NTRK3: variants seen among roughly 807,000 people sequenced by gnomAD.
NTRK3 encodes the protein NT-3 growth factor receptor.
In NTRK3, 24 loss-of-function variants were observed where a neutral mutation model predicts 91.7. That is an observed-to-expected ratio of 0.26 (90% CI 0.19 to 0.37). The LOEUF (loss-of-function observed/expected upper bound fraction) is 0.37. NTRK3 is among the 10% of genes least tolerant of loss of function. The probability of loss-of-function intolerance (pLI) is 1.00; values close to 1 mark genes in which losing one functional copy is unlikely to be tolerated. For missense variants in NTRK3, 880 were observed against 1,068.9 expected, an observed-to-expected ratio of 0.82 and a Z score of 2.46; for synonymous variants, 483 against 404.0, an observed-to-expected ratio of 1.20 and a Z score of -2.34.
intron 3 of NTRK3, among the ~76,000 whole-genome samples, chr15:88,231,760 T>G (rs1450368712): frequency 6.6e-6 from 1 of 152,194 alleles, no homozygotes; most frequent in Non-Finnish European, 1.5e-5. Context: ...CTTTTTGCCT[T>G]GTGACTCTAG....
At chr15:87,992,383 A>G (rs1003750884) in intron 14 of NTRK3, among the ~76,000 whole-genome samples, 8 of 152,000 alleles carry the variant, frequency 5.3e-5, no homozygotes, top group African/African-American at 1.9e-4. Context: ...TTCTCATCCA[A>G]TTGCCGTTCA....
intron 17 of NTRK3, among the ~76,000 whole-genome samples, chr15:87,916,911 C>T (rs1013397988): frequency 2.6e-5 from 4 of 151,970 alleles, no homozygotes; most frequent in Non-Finnish European, 5.9e-5. Flanking sequence ...TACAGGTATG[C>T]ACCACCATGC....
At chr15:87,893,758 A>T (rs1311465645) in intron 17 of NTRK3, among the ~76,000 whole-genome samples, 2 of 152,244 alleles carry the variant, frequency 1.3e-5, no homozygotes, top group African/African-American at 4.8e-5. Flanking sequence ...CCGATGAGGC[A>T]TACAGGACAC....
At chr15:87,938,252 A>G (rs1237400782) in intron 15 of NTRK3, among the ~76,000 whole-genome samples, 2 of 152,244 alleles carry the variant, frequency 1.3e-5, no homozygotes, top group African/African-American at 4.8e-5. Flanking sequence ...TACCATAGCA[A>G]CTGCTGGGCA....
At chr15:87,863,462 CTAAA>C (rs1421770950) in exon 19 of NTRK3, 3 of 219,294 alleles carry the variant, frequency 1.4e-5, no homozygotes, top group African/African-American at 6.8e-5. Flanking sequence ...GCTTATCAAA[CTAAA>C]TACTCTTTCA....
intron 3 of NTRK3, among the ~76,000 whole-genome samples, chr15:88,249,518 C>T (rs946266550): frequency 5.3e-5 from 8 of 152,154 alleles, no homozygotes; most frequent in African/African-American, 1.7e-4. Flanking sequence ...CCAGGGACCC[C>T]GGCTGAGTCC....
chr15:88,070,062 C>G (rs1446457216), intron 13 of NTRK3, among the ~76,000 whole-genome samples: 1 of 152,196 alleles, frequency 6.6e-6, no homozygotes, highest in East Asian at 1.9e-4. Flanking sequence ...CTTCTTCCTT[C>G]CTGCCAGCAT....
chr15:88,190,910 C>T (rs1038099555), intron 3 of NTRK3, among the ~76,000 whole-genome samples: 8 of 152,086 alleles, frequency 5.3e-5, no homozygotes, highest in Admixed American at 2.6e-4. Flanking sequence ...GTAAAGTAAG[C>T]GTAAATAGGA....
intron 13 of NTRK3, among the ~76,000 whole-genome samples, chr15:88,036,003 C>T (rs1437826305): frequency 6.6e-6 from 1 of 151,810 alleles, no homozygotes; most frequent in Non-Finnish European, 1.5e-5. Context: ...ATAAGAAAAT[C>T]AAAGGTTTGA....
At chr15:88,190,188 G>T (rs1462335322) in intron 3 of NTRK3, among the ~76,000 whole-genome samples, 1 of 152,140 alleles carries the variant, frequency 6.6e-6, no homozygotes, top group Non-Finnish European at 1.5e-5. Flanking sequence ...CTGTCAGATT[G>T]CTGTTATCTT....
intron 13 of NTRK3, among the ~76,000 whole-genome samples, chr15:88,078,774 G>A (rs576540798): frequency 6.6e-5 from 10 of 152,328 alleles, no homozygotes; most frequent in East Asian, 1.9e-4. Flanking sequence ...CTGGGGAAGC[G>A]ACACTCCAGG....
rs1567099635 is a variant in NTRK3 at position 87,912,934 on chromosome 15, ATATATATATAT to A, written c.2133+16246_2133+16256del. On this transcript the variant is annotated intron_variant, in intron 17 of 18. Coordinates refer to ENST00000394480, the Ensembl canonical transcript of NTRK3. ...AACTTTTCAAAAAGTAAAAAAAAATATATATATATATATATATATATATATATATATATATA... is the reference window on the plus strand; with the variant it reads ...AACTTTTCAAAAAGTAAAAAAAAATAATATATATATATATATATATATATA... Among the ~76,000 whole-genome samples, 22 of 21,730 alleles carry A rather than the reference ATATATATATAT, an allele frequency of 1.0e-3. 2 individuals are homozygous for A. In the East Asian group the frequency reaches 0.019, roughly 19 times the overall value. The allele number at this position is 21,730 out of a possible 152,430, so 14.3% of individuals were successfully genotyped here. A position where few individuals can be genotyped will look rare whatever the true frequency, so the allele number is the denominator to read the frequency against.
At chr15:88,213,585 T>G (rs534123765) in intron 3 of NTRK3, among the ~76,000 whole-genome samples, 1 of 152,274 alleles carries the variant, frequency 6.6e-6, no homozygotes, top group South Asian at 2.1e-4. Context: ...GGAGTGTAGA[T>G]GGACTTCAAA....
chr15:88,239,691 G>A (rs778637823), intron 3 of NTRK3, among the ~76,000 whole-genome samples: 1 of 152,126 alleles, frequency 6.6e-6, no homozygotes, highest in African/African-American at 2.4e-5. Flanking sequence ...ACCAGGACAA[G>A]GCCTGGCAGA....
At chr15:88,147,308 C>G (rs2042975608) in intron 6 of NTRK3, 27 bp downstream of exon 6, 1 of 1,607,574 alleles carries the variant, frequency 6.2e-7, no homozygotes, top group African/African-American at 1.3e-5. Context: ...ACTTCAGTAC[C>G]TGGACAGTCT....
At chr15:87,952,663 C>T (rs919496487) in intron 14 of NTRK3, among the ~76,000 whole-genome samples, 2 of 152,336 alleles carry the variant, frequency 1.3e-5, no homozygotes, top group East Asian at 3.9e-4. Context: ...TCCGCGTGAC[C>T]TCTGCATTTG....
chr15:87,935,474 C>T (rs550381345), intron 15 of NTRK3, among the ~76,000 whole-genome samples: 6 of 152,214 alleles, frequency 3.9e-5, no homozygotes, highest in Non-Finnish European at 7.3e-5. Context: ...AAGACAGTCT[C>T]TTCTGGGGAC....
At chr15:88,065,442 T>G (rs1028142057) in intron 13 of NTRK3, among the ~76,000 whole-genome samples, 3 of 152,142 alleles carry the variant, frequency 2.0e-5, no homozygotes, top group African/African-American at 7.2e-5. Context: ...AGGCTCTGCT[T>G]GGTGACCAGA....
intron 14 of NTRK3, among the ~76,000 whole-genome samples, chr15:87,970,564 G>T (rs538363437): frequency 6.6e-6 from 1 of 152,322 alleles, no homozygotes; most frequent in Admixed American, 6.5e-5. Flanking sequence ...ATTAAATGAA[G>T]AATGTTTTGT....
Sources: allele counts gnomAD v4.1 joint callset (sites outside exome capture counted in the v4.1 genomes callset), GRCh38; gene constraint gnomAD v4.1.1; transcripts MANE v1.5; gene names NCBI Gene and HGNC (gene_info 2026-07-23, HGNC 2026-07-21).